The following RBFOX1 variants were observed in gnomAD, a reference collection of about 807,000 sequenced individuals.
RBFOX1 encodes the protein RNA binding protein fox-1 homolog 1.
Under a neutral mutation model 57.7 loss-of-function variants are expected in RBFOX1, and 8 were observed. The ratio of observed to expected loss-of-function variants is 0.14; its 90% CI spans 0.08 to 0.25. The LOEUF is 0.25. RBFOX1 is among the 10% of genes least tolerant of loss of function. The pLI, the probability that RBFOX1 is intolerant of heterozygous loss-of-function variation, is 1.00. For missense variants in RBFOX1, 611 were observed against 548.5 expected, an observed-to-expected ratio of 1.11 and a Z score of -1.14; for synonymous variants, 326 against 222.4, an observed-to-expected ratio of 1.47 and a Z score of -4.15.
At chr16:6,940,368 C>G (rs1014607011) in intron 3 of RBFOX1, among the ~76,000 whole-genome samples, 2 of 152,164 alleles carry the variant, frequency 1.3e-5, no homozygotes, top group African/African-American at 4.8e-5. Context: ...ACATTGCTCA[C>G]TTCCCATCCG....
intron 4 of RBFOX1, among the ~76,000 whole-genome samples, chr16:7,366,441 C>A (rs2097449903): frequency 1.3e-5 from 2 of 152,312 alleles, no homozygotes; most frequent in East Asian, 1.9e-4. Flanking sequence ...AAAAAATCAT[C>A]CGGTCCAGCC....
chr16:6,284,270 T>C (rs910824235), intron 1 of RBFOX1, among the ~76,000 whole-genome samples: 1 of 152,174 alleles, frequency 6.6e-6, no homozygotes, highest in Non-Finnish European at 1.5e-5. Flanking sequence ...TCGATCTCTT[T>C]TCCTATGCCG....
At chr16:6,218,304 T>C (rs1220548991) in intron 1 of RBFOX1, among the ~76,000 whole-genome samples, 2 of 151,938 alleles carry the variant, frequency 1.3e-5, no homozygotes, top group East Asian at 1.9e-4. Context: ...TTTATTTATT[T>C]ACTTATTTAT....
intron 1 of RBFOX1, among the ~76,000 whole-genome samples, chr16:6,312,584 G>A (rs1413782137): frequency 6.6e-6 from 1 of 152,104 alleles, no homozygotes; most frequent in African/African-American, 2.4e-5. Flanking sequence ...ATGGGGAAGG[G>A]AAATGACTTT....
At chr16:5,567,377 G>C (rs1004069925) in intron 2 of RBFOX1, among the ~76,000 whole-genome samples, 2 of 152,096 alleles carry the variant, frequency 1.3e-5, no homozygotes, top group African/African-American at 4.8e-5. Flanking sequence ...AATGTTCCAA[G>C]CTCACTCTTA....
rs1489016110 is a variant in RBFOX1, at chr16:6,358,983, A to G, written c.-64+41926A>G. ...TTATCCCATTGCTCTGTCGGCGCCT[A>G]TAGAAGGTAGCTGGTTTGGTTTGAG... On this transcript the variant is annotated intron_variant, in intron 2 of 15. Coordinates refer to ENST00000550418, the MANE Select transcript of RBFOX1 (RefSeq NM_018723.4). Among the ~76,000 whole-genome samples the G allele has an allele frequency of 2.6e-5, 4 of 152,204 alleles. No individual in the cohort carries two copies. The East Asian group carries it at 7.7e-4, about 29-fold the overall frequency.
chr16:7,155,666 C>G (rs1266407167), intron 4 of RBFOX1, among the ~76,000 whole-genome samples: 10 of 129,962 alleles, frequency 7.7e-5, no homozygotes, highest in Non-Finnish European at 1.4e-4. Context: ...GAAGAGCTAT[C>G]AGCCACTTGC....
At chr16:6,675,354 C>T (rs927830077) in intron 3 of RBFOX1, among the ~76,000 whole-genome samples, 1 of 152,154 alleles carries the variant, frequency 6.6e-6, no homozygotes, top group Admixed American at 6.5e-5. Context: ...AGAAGTGTAT[C>T]TGTCCCAATT....
At chr16:6,178,925 G>C (rs2077685) in intron 1 of RBFOX1, among the ~76,000 whole-genome samples, 88,229 of 152,054 alleles carry the variant, frequency 0.58, 27,093 homozygotes, top group African/African-American at 0.78. Flanking sequence ...GAAGACAAAA[G>C]CAACAACAAA....
chr16:6,623,562 T>C (rs1319428800), intron 2 of RBFOX1, among the ~76,000 whole-genome samples: 1 of 152,086 alleles, frequency 6.6e-6, no homozygotes, highest in Non-Finnish European at 1.5e-5. Context: ...TCATTTAACA[T>C]TAGGTATATC....
chr16:6,825,562 C>T (rs151074866), intron 3 of RBFOX1, among the ~76,000 whole-genome samples: 122 of 152,274 alleles, frequency 8.0e-4, no homozygotes, highest in African/African-American at 2.6e-3. Flanking sequence ...TACCTACGCA[C>T]GTGTGAAGCA....
intron 3 of RBFOX1, among the ~76,000 whole-genome samples, chr16:6,912,971 A>G (rs941342808): frequency 6.6e-6 from 1 of 151,876 alleles, no homozygotes; most frequent in Admixed American, 6.6e-5. Context: ...ATCTCACCTC[A>G]TCTGGCTGTT....
chr16:7,039,163 C>T (rs1445728381), intron 3 of RBFOX1, among the ~76,000 whole-genome samples: 11 of 152,188 alleles, frequency 7.2e-5, no homozygotes, highest in Admixed American at 5.9e-4. Flanking sequence ...ATAAAGTATT[C>T]CCGAGGACTC....
At chr16:6,399,306 A>G (rs937671795) in intron 2 of RBFOX1, among the ~76,000 whole-genome samples, 3 of 152,062 alleles carry the variant, frequency 2.0e-5, no homozygotes, top group Admixed American at 2.0e-4. Flanking sequence ...CCCTGGAAAC[A>G]TTTTCCCCAT....
intron 1 of RBFOX1, among the ~76,000 whole-genome samples, chr16:6,083,118 C>T (rs1019586661): frequency 6.6e-6 from 1 of 152,100 alleles, no homozygotes; most frequent in African/African-American, 2.4e-5. Context: ...TCTCCTGCCT[C>T]AGCGTCCTGA....
intron 1 of RBFOX1, among the ~76,000 whole-genome samples, chr16:5,348,451 C>G (rs1434833083): frequency 6.6e-6 from 1 of 152,158 alleles, no homozygotes; most frequent in Non-Finnish European, 1.5e-5. Flanking sequence ...GAAGTAGGCA[C>G]TATTATCACA....
intron 5 of RBFOX1, among the ~76,000 whole-genome samples, chr16:7,538,281 G>A (rs2082033016): frequency 6.6e-6 from 1 of 152,224 alleles, no homozygotes; most frequent in South Asian, 2.1e-4. Context: ...CTTATTTAAA[G>A]CCTCCTATTG....
chr16:6,222,590 C>G (rs1369861625), intron 1 of RBFOX1, among the ~76,000 whole-genome samples: 1 of 149,808 alleles, frequency 6.7e-6, no homozygotes, highest in Non-Finnish European at 1.5e-5. Context: ...CACCTGAAGG[C>G]TTTGTTAAGC....
intron 2 of RBFOX1, among the ~76,000 whole-genome samples, chr16:6,406,261 C>T (rs1490943926): frequency 6.6e-6 from 1 of 152,188 alleles, no homozygotes; most frequent in African/African-American, 2.4e-5. Context: ...AATTCTAATG[C>T]AGCCTCCTGT....
Sources: allele counts gnomAD v4.1 joint callset (sites outside exome capture counted in the v4.1 genomes callset), GRCh38; gene constraint gnomAD v4.1.1; transcripts MANE v1.5; gene names NCBI Gene and HGNC (gene_info 2026-07-23, HGNC 2026-07-21).